CDC20B: variants seen among roughly 807,000 people sequenced by gnomAD.
The protein encoded by CDC20B is cell division cycle 20B, also known as cell division cycle protein 20 homolog B.
In CDC20B, 58 loss-of-function variants were observed where a neutral mutation model predicts 64.1. That is an observed-to-expected ratio of 0.90 (90% confidence interval 0.73 to 1.13). The LOEUF is 1.13. Among genes scored for constraint, CDC20B ranks in the 50% most tolerant of loss-of-function variants. The pLI is 0.00. For missense variants in CDC20B, 597 were observed against 633.0 expected (o/e 0.94, Z 0.61); for synonymous variants, 243 against 230.6 (o/e 1.05, Z -0.49).
At chr5:55,123,487 A>G (rs1742804089) in intron 9 of CDC20B, among the ~76,000 whole-genome samples, 1 of 152,180 alleles carries the variant, frequency 6.6e-6, no homozygotes, top group South Asian at 2.1e-4. Flanking sequence ...CATGAGAGGA[A>G]TCACGCACAT....
chr5:55,124,974 A>T lies in CDC20B; in HGVS notation c.1044T>A (p.His348Gln), dbSNP rs746056921. The T allele has an allele frequency of 1.2e-6, 2 of 1,614,194 alleles. No homozygotes were observed. Among genetic ancestry groups the T allele is most frequent in the Non-Finnish European group, 1.7e-6 (2 of 1,180,006 alleles). ...CTTGCTTGTGGCGAAGTGTTCCAAC[A>T]TGATGCTGGGCTACCCGAACATCGT... ...YHHDVRVAQH[H>Q]VGTLRHKQAV... The change falls in exon 9 of 12, where the codon CAT becomes CAA. Residue 348 changes from histidine (H) to glutamine (Q), a missense_variant. Physicochemically the swap from His to Gln is conservative, Grantham distance 24 (BLOSUM62 0). Around this residue, in one of 3 missense-constraint regions of CDC20B, gnomAD observed 353 missense variants for 397.0 expected, o/e 0.89. Transcript: ENST00000381375.
At chr5:55,167,344 C>CTGTATATATAT in intron 2 of CDC20B, among the ~76,000 whole-genome samples, 1 of 152,164 alleles carries the variant, frequency 6.6e-6, no homozygotes, top group South Asian at 2.1e-4. Flanking sequence ...TTAACAATTA[C>CTGTATATATAT]ACTGTATCAA....
At chr5:55,144,377 C>A (rs1743416254) in intron 3 of CDC20B, among the ~76,000 whole-genome samples, 1 of 152,196 alleles carries the variant, frequency 6.6e-6, no homozygotes, top group South Asian at 2.1e-4. Context: ...AAGTCATTCT[C>A]TAAAACTAAA....
At chr5:55,147,012 A>C (rs1272874640) in intron 2 of CDC20B, among the ~76,000 whole-genome samples, 156 bp from the exon 3 acceptor site, 1 of 148,998 alleles carries the variant, frequency 6.7e-6, no homozygotes, top group East Asian at 1.9e-4. Context: ...ATATTATTTT[A>C]TATATTTGTA....
chr5:55,168,460 C>A (rs1293496479), intron 2 of CDC20B, among the ~76,000 whole-genome samples: 2 of 152,046 alleles, frequency 1.3e-5, no homozygotes, highest in African/African-American at 2.4e-5. Context: ...CTTTCCCTCT[C>A]CCACCTATGG....
At chr5:55,127,203 C>T in intron 8 of CDC20B, 54 bp downstream of exon 8, 1 of 1,428,100 alleles carries the variant, frequency 7.0e-7, no homozygotes, top group Non-Finnish European at 9.9e-7. Flanking sequence ...TTACTCAGGC[C>T]CCATAATCAA....
chr5:55,161,478 A>C (rs909241712), intron 2 of CDC20B, among the ~76,000 whole-genome samples: 13 of 152,166 alleles, frequency 8.5e-5, no homozygotes, highest in African/African-American at 2.9e-4. Context: ...ATTCCAATAT[A>C]TTTTATTCCT....
intron 9 of CDC20B, 46 bp from the exon 10 acceptor site, chr5:55,120,596 G>T (rs1742734341): frequency 6.2e-7 from 1 of 1,604,906 alleles, no homozygotes; most frequent in African/African-American, 1.3e-5. Context: ...CTTCAAAGGA[G>T]GTGCACTCAT....
At chr5:55,162,084 A>G (rs1744096965) in intron 2 of CDC20B, among the ~76,000 whole-genome samples, 1 of 121,482 alleles carries the variant, frequency 8.2e-6, no homozygotes, top group South Asian at 2.9e-4. Context: ...TCTAAACCAT[A>G]TTAGTCAAAA....
At position 55,120,569 on chromosome 5, in the gene CDC20B, T is replaced by C. The variant is rs1316905287; in HGVS notation, c.1216-19A>G. 6.2e-7 allele frequency: 1 copy of C among 1,611,658 alleles called. No individual in the cohort carries two copies. On this transcript the variant is annotated intron_variant, in intron 9 of 11. Coordinates refer to ENST00000381375, the MANE Select transcript of CDC20B (RefSeq NM_001170402.1). Reference sequence around the variant, plus strand: ...CCATGGCCTTTAAAGTTTCACATAATAGCACAGACAGGTCAGCTTCAAAGG... The same window carrying C: ...CCATGGCCTTTAAAGTTTCACATAACAGCACAGACAGGTCAGCTTCAAAGG...
chr5:55,163,000 A>G (rs1359233320), intron 2 of CDC20B, among the ~76,000 whole-genome samples: 3 of 152,142 alleles, frequency 2.0e-5, no homozygotes, highest in Admixed American at 1.3e-4. Context: ...TCATCTGCAA[A>G]ACGGGGATGA....
intron 5 of CDC20B, among the ~76,000 whole-genome samples, chr5:55,134,710 G>A (rs1273240846): frequency 1.3e-5 from 2 of 152,136 alleles, no homozygotes; most frequent in Admixed American, 6.6e-5. Flanking sequence ...ACATCAGCCT[G>A]GGTGACAGAG....
rs568489731 is a variant in CDC20B at position 55,137,941 on chromosome 5, G to T, written c.580+2373C>A. Among the ~76,000 whole-genome samples the T allele has an allele frequency of 2.8e-4, 42 of 152,166 alleles. 1 individual carries two copies. The South Asian group carries it at 6.0e-3, about 22-fold the overall frequency. ...ATTTGCCTTGCAAAATCCCACAAGG[G>T]CTCCGAGGCACAGAGAAGACTGAGA... On this transcript the variant is annotated intron_variant, in intron 5 of 11. Coordinates refer to ENST00000381375, the MANE Select transcript of CDC20B (RefSeq NM_001170402.1).
intron 6 of CDC20B, among the ~76,000 whole-genome samples, chr5:55,131,101 C>A (rs1044134858): frequency 6.6e-6 from 1 of 152,132 alleles, no homozygotes; most frequent in African/African-American, 2.4e-5. Flanking sequence ...CCACTGCACT[C>A]CAGCCTGGGT....
At chr5:55,116,614 AT>A (rs1742632593) in intron 11 of CDC20B, among the ~76,000 whole-genome samples, 1 of 152,114 alleles carries the variant, frequency 6.6e-6, no homozygotes, top group Admixed American at 6.6e-5. Context: ...TGTCTGGCTA[AT>A]TTTTGTAATT....
chr5:55,161,235 C>T (rs374511741), intron 2 of CDC20B: 6 of 1,613,536 alleles, frequency 3.7e-6, no homozygotes, highest in Non-Finnish European at 5.1e-6. Flanking sequence ...GAAGGAGAAC[C>T]TGCATTTAGA....
At chr5:55,118,692 T>G (rs1742682131) in intron 11 of CDC20B, among the ~76,000 whole-genome samples, 1 of 152,174 alleles carries the variant, frequency 6.6e-6, no homozygotes, top group South Asian at 2.1e-4. Context: ...CTTCCTACAC[T>G]TGCACCTGAT....
Position 55,133,404 on chromosome 5 carries a change from T to C in CDC20B, c.697+8A>G, listed in dbSNP as rs774619146. On this transcript the variant is annotated splice_region_variant and intron_variant, in intron 6 of 11. Transcript: ENST00000381375. ...AACTTTTAATTCCCAATCTAAATGA[T>C]AACTTACAGTAGTCATTTCGAAGAC... 1.6e-5 allele frequency: 22 copies of C among 1,377,392 alleles called. No homozygotes were observed. The highest frequency in any genetic ancestry group is 2.0e-5 in the Non-Finnish European group (20 of 991,068). 85.3% of individuals were successfully genotyped at this position (1,377,392 alleles called of 1,614,324 possible). A position where few individuals can be genotyped will look rare whatever the true frequency, so the allele number is the denominator to read the frequency against.
At chr5:55,150,935 G>C (rs994613730) in intron 2 of CDC20B, among the ~76,000 whole-genome samples, 2 of 151,988 alleles carry the variant, frequency 1.3e-5, no homozygotes, top group Non-Finnish European at 2.9e-5. Context: ...TTGGAGAGAC[G>C]GGGTTTCACC....
Sources: gnomAD v4.1 joint callset for allele counts (sites outside exome capture counted in the v4.1 genomes callset) on GRCh38, gnomAD v4.1.1 for gene constraint, gnomAD v4.1.1 regional missense constraint, MANE v1.5 for transcripts, NCBI Gene and HGNC (gene_info 2026-07-23, HGNC 2026-07-21) for gene names.